TCERG1L: variants seen among roughly 807,000 people sequenced by gnomAD.
TCERG1L encodes transcription elongation regulator 1-like protein.
In TCERG1L, 37 loss-of-function variants were observed where a neutral mutation model predicts 56.3. The observed-to-expected ratio is 0.66, with a 90% CI of 0.51 to 0.87. The LOEUF (loss-of-function observed/expected upper bound fraction) is 0.87. Ranked by LOEUF, TCERG1L falls within the 40% of genes least tolerant of loss-of-function variation. TCERG1L has a pLI of 0.00. For missense variants in TCERG1L, 799 were observed against 774.2 expected, an observed-to-expected ratio of 1.03 and a Z score of -0.38; for synonymous variants, 324 against 326.3, an observed-to-expected ratio of 0.99 and a Z score of 0.08.
At chr10:131,278,209 C>A (rs1846413048) in intron 3 of TCERG1L, among the ~76,000 whole-genome samples, 1 of 152,098 alleles carries the variant, frequency 6.6e-6, no homozygotes, top group Admixed American at 6.5e-5. Context: ...GTCGCATCCT[C>A]TCCTGGATCC....
intron 9 of TCERG1L, 43 bp from the exon 10 acceptor site, chr10:131,104,397 C>T: frequency 1.4e-6 from 2 of 1,383,658 alleles, no homozygotes; most frequent in Non-Finnish European, 2.0e-6. Context: ...GCGTCTAATG[C>T]TAAGCCTGAA....
intron 4 of TCERG1L, among the ~76,000 whole-genome samples, chr10:131,224,842 T>A (rs1055727992): frequency 1.9e-4 from 29 of 152,212 alleles, no homozygotes; most frequent in Admixed American, 3.9e-4. Context: ...AGATCTCATT[T>A]TGATGAAAAC....
intron 6 of TCERG1L, 55 bp downstream of exon 6, chr10:131,163,067 T>A: frequency 7.3e-7 from 1 of 1,377,252 alleles, no homozygotes; most frequent in Non-Finnish European, 9.7e-7. Context: ...ATCAGGCAAA[T>A]GCCAGGACCA....
At chr10:131,256,758 C>A (rs573541353) in intron 4 of TCERG1L, among the ~76,000 whole-genome samples, 2 of 151,618 alleles carry the variant, frequency 1.3e-5, no homozygotes, top group Non-Finnish European at 2.9e-5. Context: ...GGGGTGTGCA[C>A]CTGTAATCGT....
chr10:131,299,637 A>C (rs1180494776), intron 3 of TCERG1L, among the ~76,000 whole-genome samples: 4 of 150,062 alleles, frequency 2.7e-5, no homozygotes, highest in Admixed American at 6.6e-5. Flanking sequence ...AGTCCCCTTT[A>C]ATTCCTAGTT....
At position 131,311,494 on chromosome 10, in the gene TCERG1L, C is replaced by T; in HGVS notation, c.142G>A (p.Gly48Arg). 8.4e-7 allele frequency: 1 copy of T among 1,196,034 alleles called. No individual in the cohort carries two copies. 74.1% of individuals were successfully genotyped at this position (1,196,034 alleles called of 1,614,324 possible). A position where few individuals can be genotyped will look rare whatever the true frequency, so the allele number is the denominator to read the frequency against. ...PWVWMVPGSA[G>R]LLRLSAGVVV... is the part of the protein sequence containing the mutation. ...ACCCCCGCGCTGAGCCGGAGCAGCC[C>T]GGCCGAGCCCGGCACCATCCAGACC... Residue 48 changes from glycine (G) to arginine (R), a missense_variant, in exon 1 of 12, where the codon GGG (glycine) becomes AGG (arginine). Physicochemically the swap from Gly to Arg is moderately radical, Grantham distance 125. Coordinates refer to ENST00000368642, the MANE Select transcript of TCERG1L (RefSeq NM_174937.4). The surrounding 1 kb of genome is among the most constrained non-coding windows in gnomAD (Gnocchi z 4.0).
intron 6 of TCERG1L, among the ~76,000 whole-genome samples, chr10:131,155,500 T>A (rs186474224): frequency 7.9e-5 from 12 of 152,270 alleles, no homozygotes; most frequent in Admixed American, 2.0e-4. Flanking sequence ...TCAGCCAGGC[T>A]CCACCCGGGC....
chr10:131,234,906 G>GT (rs1845898132), intron 4 of TCERG1L, among the ~76,000 whole-genome samples: 1 of 152,220 alleles, frequency 6.6e-6, no homozygotes, highest in East Asian at 1.9e-4. Context: ...GTTTCATCAT[G>GT]TTGGCCAGGA....
At chr10:131,182,628 T>G (rs184481782) in intron 4 of TCERG1L, among the ~76,000 whole-genome samples, 5 of 152,336 alleles carry the variant, frequency 3.3e-5, no homozygotes, top group South Asian at 2.1e-4. Flanking sequence ...CGTGTGGTTA[T>G]GGTAGCCTGT....
intron 4 of TCERG1L, among the ~76,000 whole-genome samples, chr10:131,173,772 G>A (rs1846116929): frequency 2.0e-5 from 3 of 152,236 alleles, no homozygotes; most frequent in South Asian, 4.1e-4. Flanking sequence ...GCCTGGAGGT[G>A]CCTCCCTAAA....
At chr10:131,204,248 T>C (rs1379965768) in intron 4 of TCERG1L, among the ~76,000 whole-genome samples, 1 of 152,212 alleles carries the variant, frequency 6.6e-6, no homozygotes, top group East Asian at 1.9e-4. Flanking sequence ...CTTTCCATTC[T>C]CCAGACCTGT....
At chr10:131,175,454 C>T (rs978519935) in intron 4 of TCERG1L, among the ~76,000 whole-genome samples, 3 of 149,558 alleles carry the variant, frequency 2.0e-5, no homozygotes, top group Admixed American at 1.3e-4. Context: ...TGCAGCCCAC[C>T]GCAGGGGCAG....
intron 8 of TCERG1L, among the ~76,000 whole-genome samples, chr10:131,130,051 C>G (rs1845601089): frequency 6.7e-6 from 1 of 150,096 alleles, no homozygotes; most frequent in African/African-American, 2.5e-5. Context: ...CACTTTCAGG[C>G]TGCTGATAAA....
At chr10:131,229,510 C>A (rs180780647) in intron 4 of TCERG1L, among the ~76,000 whole-genome samples, 31 of 152,298 alleles carry the variant, frequency 2.0e-4, no homozygotes, top group African/African-American at 7.5e-4. Flanking sequence ...TCAGCACCAC[C>A]ATTCCAGGAA....
rs56276027 is a variant in TCERG1L, at chr10:131,191,883, A to G, written c.857-24998T>C. On this transcript the variant is annotated intron_variant, in intron 4 of 11. Coordinates refer to ENST00000368642, the MANE Select transcript of TCERG1L (RefSeq NM_174937.4). ...CCGTCTCAAAAAAAAAAAAAAAAAA[A>G]AAAAAAGAAAAAAAGAAAAAGACCT... Among the ~76,000 whole-genome samples, 809 of 136,068 alleles carry G rather than the reference A, an allele frequency of 5.9e-3. 31 individuals are homozygous for G. Among genetic ancestry groups the G allele is most frequent in the African/African-American group, 0.021 (736 of 35,588 alleles). The allele number at this position is 136,068 out of a possible 152,430, so 89.3% of individuals were successfully genotyped here. A position where few individuals can be genotyped will look rare whatever the true frequency, so the allele number is the denominator to read the frequency against.
Position 131,311,690 on chromosome 10 carries a change from G to A in TCERG1L, c.-55C>T. 5.4e-6 allele frequency: 5 copies of A among 924,712 alleles called. No individual in the cohort carries two copies. Among genetic ancestry groups the A allele is most frequent in the Non-Finnish European group, 6.7e-6 (5 of 749,020 alleles). The allele number at this position is 924,712 out of a possible 1,614,324, so 57.3% of individuals were successfully genotyped here. A position where few individuals can be genotyped will look rare whatever the true frequency, so the allele number is the denominator to read the frequency against. ...GGGGCGGCGGGCGCCCGAGATGCTGGGCCGGCGGCGGCGCGGCTCCGGAGC... is the reference window on the plus strand; with the variant it reads ...GGGGCGGCGGGCGCCCGAGATGCTGAGCCGGCGGCGGCGCGGCTCCGGAGC... On this transcript the variant is annotated 5_prime_UTR_variant, in exon 1 of 12. Transcript: ENST00000368642. This position sits in a 1 kb window ranked among gnomAD's most constrained non-coding sequence, Gnocchi z 4.0.
chr10:131,282,543 T>C (rs1232311536), intron 3 of TCERG1L, among the ~76,000 whole-genome samples: 2 of 152,202 alleles, frequency 1.3e-5, no homozygotes, highest in Non-Finnish European at 2.9e-5. Context: ...ATTAACTTAC[T>C]AATACAAGTT....
At chr10:131,097,501 C>T (rs1380139214) in intron 11 of TCERG1L, among the ~76,000 whole-genome samples, 1 of 152,118 alleles carries the variant, frequency 6.6e-6, no homozygotes, top group Non-Finnish European at 1.5e-5. Flanking sequence ...GCACCCACCA[C>T]CACGCCCGGC....
intron 4 of TCERG1L, among the ~76,000 whole-genome samples, chr10:131,168,151 G>A (rs1044473504): frequency 6.6e-6 from 1 of 152,198 alleles, no homozygotes; most frequent in African/African-American, 2.4e-5. Context: ...CTTTATACGT[G>A]TGTGCACACA....
Sources: allele counts gnomAD v4.1 joint callset (sites outside exome capture counted in the v4.1 genomes callset), GRCh38; gene constraint gnomAD v4.1.1; non-coding constraint Gnocchi (gnomAD v3.1); transcripts MANE v1.5; gene names NCBI Gene and HGNC (gene_info 2026-07-23, HGNC 2026-07-21).